The following RBFOX1 variants were observed in gnomAD, a reference collection of about 807,000 sequenced individuals.
RBFOX1 encodes the protein RNA binding fox-1 homolog 1, also known as RNA binding protein fox-1 homolog 1.
RBFOX1 carries 8 observed loss-of-function variants against 57.7 expected under a neutral mutation model. The ratio of observed to expected loss-of-function variants is 0.14; its 90% CI spans 0.08 to 0.25. RBFOX1 has a LOEUF of 0.25. Among genes scored for constraint, RBFOX1 ranks in the 10% least tolerant of loss-of-function variants. The probability of loss-of-function intolerance (pLI) is 1.00; values close to 1 mark genes in which losing one functional copy is unlikely to be tolerated. For synonymous variants in RBFOX1, 326 were observed against 222.4 expected (o/e 1.47, Z -4.15); for missense variants, 611 against 548.5 (o/e 1.11, Z -1.14).
chr16:7,106,112 A>G (rs8043578), intron 4 of RBFOX1, among the ~76,000 whole-genome samples: 5,442 of 152,170 alleles, frequency 0.036, 356 homozygotes, highest in African/African-American at 0.12. Context: ...TGTCCTTTGA[A>G]ACTCCTTTAC....
At chr16:7,033,337 T>C (rs1368683422) in intron 3 of RBFOX1, among the ~76,000 whole-genome samples, 1 of 152,152 alleles carries the variant, frequency 6.6e-6, no homozygotes, top group Non-Finnish European at 1.5e-5. Flanking sequence ...CTGGCTGACA[T>C]GGTGAAACCC....
At chr16:5,427,923 A>G (rs1309036213) in intron 1 of RBFOX1, among the ~76,000 whole-genome samples, 1 of 152,226 alleles carries the variant, frequency 6.6e-6, no homozygotes, top group Non-Finnish European at 1.5e-5. Context: ...GATGTACACA[A>G]TTAACCATCA....
At chr16:6,450,560 G>A (rs2094568040) in intron 2 of RBFOX1, among the ~76,000 whole-genome samples, 1 of 150,738 alleles carries the variant, frequency 6.6e-6, no homozygotes, top group African/African-American at 2.4e-5. Flanking sequence ...TGAGGTTTGT[G>A]TGTGGGTATT....
chr16:7,663,720 G>A (rs181579069), intron 12 of RBFOX1, among the ~76,000 whole-genome samples: 7 of 152,180 alleles, frequency 4.6e-5, no homozygotes, highest in East Asian at 3.9e-4. Flanking sequence ...GGAAGGTATC[G>A]GGGAAGATTG....
chr16:5,741,861 T>C (rs2052779310), intron 3 of RBFOX1, among the ~76,000 whole-genome samples: 1 of 152,230 alleles, frequency 6.6e-6, no homozygotes, highest in Non-Finnish European at 1.5e-5. Context: ...ACTTAATGCC[T>C]ACCTTAATAC....
At chr16:6,257,455 C>G (rs745600635) in intron 1 of RBFOX1, among the ~76,000 whole-genome samples, 1 of 151,864 alleles carries the variant, frequency 6.6e-6, no homozygotes, top group East Asian at 1.9e-4. Flanking sequence ...CAGGGGCACA[C>G]GTGCAGGTTT....
chr16:6,765,786 G>C (rs995079474), intron 3 of RBFOX1, among the ~76,000 whole-genome samples: 1 of 152,128 alleles, frequency 6.6e-6, no homozygotes, highest in Non-Finnish European at 1.5e-5. Context: ...TATTCACCTT[G>C]AAATACTACT....
chr16:6,169,433 G>C (rs2096942005), intron 1 of RBFOX1, among the ~76,000 whole-genome samples: 1 of 151,926 alleles, frequency 6.6e-6, no homozygotes, highest in Non-Finnish European at 1.5e-5. Flanking sequence ...TAGAGAAGGA[G>C]GTTTCTGATG....
chr16:7,706,559 A>G (rs1007073476), intron 14 of RBFOX1, among the ~76,000 whole-genome samples: 1 of 152,228 alleles, frequency 6.6e-6, no homozygotes, highest in Non-Finnish European at 1.5e-5. Flanking sequence ...TTGCCACAGT[A>G]AAACCATTTC....
intron 4 of RBFOX1, among the ~76,000 whole-genome samples, chr16:7,467,583 C>T (rs2060759567): frequency 6.6e-6 from 1 of 152,172 alleles, no homozygotes; most frequent in Non-Finnish European, 1.5e-5. Context: ...CATTTAGTAG[C>T]TGTGGGACTT....
chr16:6,041,200 T>A (rs950454413), intron 1 of RBFOX1, among the ~76,000 whole-genome samples: 4 of 152,168 alleles, frequency 2.6e-5, no homozygotes, highest in African/African-American at 9.6e-5. Context: ...TAGAATCACA[T>A]GATATGCAGC....
chr16:6,947,077 C>T (rs375953647), intron 3 of RBFOX1, among the ~76,000 whole-genome samples: 2 of 152,154 alleles, frequency 1.3e-5, no homozygotes, highest in South Asian at 4.1e-4. Flanking sequence ...TCTGTGCTTT[C>T]TCAGAGAATA....
At chr16:5,816,158 C>G (rs943152676) in intron 3 of RBFOX1, among the ~76,000 whole-genome samples, 1 of 152,178 alleles carries the variant, frequency 6.6e-6, no homozygotes, top group Non-Finnish European at 1.5e-5. Flanking sequence ...CCCCCAGTGG[C>G]TCCTTAAAGA....
rs144657953 is a variant in RBFOX1 at position 6,091,772 on chromosome 16, A to T, written c.-127+71780A>T. On this transcript the variant is annotated intron_variant, in intron 1 of 15. Transcript: ENST00000550418. ...CTTGAACCTGGGAGTTGGAGGTTGC[A>T]GAGAGCCAAGATTGCGCCACTGCAC... Among the ~76,000 whole-genome samples, 55 of 152,298 alleles carry T rather than the reference A, an allele frequency of 3.6e-4. No individual in the cohort carries two copies. The East Asian group carries it at 0.01, about 28-fold the overall frequency.
At chr16:6,656,874 ACTCCT>A (rs1316067107) in intron 3 of RBFOX1, among the ~76,000 whole-genome samples, 8 of 134,968 alleles carry the variant, frequency 5.9e-5, no homozygotes, top group African/African-American at 1.2e-4. Flanking sequence ...AAACAAGGTA[ACTCCT>A]CTCCTCTCCT....
chr16:6,971,037 TATCTA>T (rs2085417608), intron 3 of RBFOX1, among the ~76,000 whole-genome samples: 1 of 152,218 alleles, frequency 6.6e-6, no homozygotes, highest in African/African-American at 2.4e-5. Context: ...AGAACCATAC[TATCTA>T]ATCTGTCCAA....
intron 3 of RBFOX1, among the ~76,000 whole-genome samples, chr16:6,666,556 AAAC>A (rs1366266120): frequency 1.9e-4 from 28 of 151,052 alleles, no homozygotes; most frequent in South Asian, 1.1e-3. Flanking sequence ...AAAAAAAAAA[AAAC>A]AAATCATGTC....
At chr16:5,508,813 G>C (rs558603724) in intron 2 of RBFOX1, among the ~76,000 whole-genome samples, 1 of 152,222 alleles carries the variant, frequency 6.6e-6, no homozygotes, top group Non-Finnish European at 1.5e-5. Context: ...GGCAGAAGTC[G>C]AGAGCTGACA....
chr16:7,395,502 G>T (rs532071943), intron 4 of RBFOX1, among the ~76,000 whole-genome samples: 1 of 152,166 alleles, frequency 6.6e-6, no homozygotes, highest in Non-Finnish European at 1.5e-5. Context: ...AAATTGTTTT[G>T]TTGGACGGAA....
Sources: allele counts gnomAD v4.1 joint callset (sites outside exome capture counted in the v4.1 genomes callset), GRCh38; gene constraint gnomAD v4.1.1; transcripts MANE v1.5; gene names NCBI Gene and HGNC (gene_info 2026-07-23, HGNC 2026-07-21).